CCNC: variants seen among roughly 807,000 people sequenced by gnomAD.
CCNC encodes the protein cyclin-C.
CCNC carries 19 observed loss-of-function variants against 50.0 expected under a neutral mutation model. That is an observed-to-expected ratio of 0.38 (90% CI 0.27 to 0.56). The LOEUF is 0.56. CCNC is among the 20% of genes least tolerant of loss of function. The pLI, the probability that CCNC is intolerant of heterozygous loss-of-function variation, is 0.72. For missense variants in CCNC, 200 were observed against 327.1 expected (o/e 0.61, Z 3.00); for synonymous variants, 93 against 103.7 (o/e 0.90, Z 0.63).
In CCNC at chr6:99,568,510, C is replaced by A; in HGVS notation, c.18G>T (p.Trp6Cys). The change falls in exon 1 of 12, where the codon TGG becomes TGT. Residue 6 changes from tryptophan to cysteine, a missense_variant. Trp to Cys is a radical substitution (Grantham distance 215). Transcript: ENST00000520429. ...AGATCGCTTACTAGTGGGAGCTCTG[C>A]CAAAAGTTCCCTGCCATGGAACACA... The part of the protein sequence containing the change: MAGNF[W>C]QSSHYLQWIL... 6.2e-7 allele frequency: 1 copy of A among 1,612,902 alleles called. No individual in the cohort carries two copies. Among genetic ancestry groups the A allele is most frequent in the Non-Finnish European group, 8.5e-7 (1 of 1,179,420 alleles).
intron 1 of CCNC, among the ~76,000 whole-genome samples, chr6:99,563,871 G>T (rs1411949650): frequency 6.6e-6 from 1 of 151,546 alleles, no homozygotes; most frequent in East Asian, 1.9e-4. Flanking sequence ...TGCTATTTTA[G>T]ACACAGAAAA....
chr6:99,561,547 T>C (rs1330113216), intron 3 of CCNC, 50 bp downstream of exon 3: 17 of 1,419,452 alleles, frequency 1.2e-5, no homozygotes, highest in Non-Finnish European at 1.6e-5. Context: ...GTGCTAAGGT[T>C]CATCAACATT....
At chr6:99,546,000 G>A (rs1364007542) in intron 10 of CCNC, among the ~76,000 whole-genome samples, 8 of 151,242 alleles carry the variant, frequency 5.3e-5, no homozygotes, top group East Asian at 3.9e-4. Flanking sequence ...ACGGAGTCTC[G>A]CTCTGTTGCC....
At chr6:99,546,795 A>T (rs973412400) in intron 9 of CCNC, among the ~76,000 whole-genome samples, 1 of 152,246 alleles carries the variant, frequency 6.6e-6, no homozygotes, top group African/African-American at 2.4e-5. Flanking sequence ...AGTAGTGTAC[A>T]AAGTAGCCGT....
intron 1 of CCNC, among the ~76,000 whole-genome samples, chr6:99,564,160 C>T (rs1463964405): frequency 6.6e-6 from 1 of 152,078 alleles, no homozygotes; most frequent in African/African-American, 2.4e-5. Flanking sequence ...CGCGGTGGCT[C>T]ATGCCTGTAA....
chr6:99,567,919 G>T (rs930136288), intron 1 of CCNC, among the ~76,000 whole-genome samples: 1 of 152,156 alleles, frequency 6.6e-6, no homozygotes, highest in African/African-American at 2.4e-5. Flanking sequence ...TAATGAAATG[G>T]ATAAATTTAG....
intron 2 of CCNC, 77 bp downstream of exon 2, chr6:99,562,765 A>G (rs1031325083): frequency 3.9e-6 from 3 of 773,228 alleles, no homozygotes; most frequent in Non-Finnish European, 6.2e-6. Flanking sequence ...AAAACAGTTC[A>G]CAAATTACCA....
intron 8 of CCNC, 25 bp from the exon 9 acceptor site, chr6:99,549,600 T>C: frequency 6.8e-7 from 1 of 1,464,522 alleles, no homozygotes; most frequent in Non-Finnish European, 9.5e-7. Flanking sequence ...ATCATATTAT[T>C]ACTGAAAGCA....
At chr6:99,550,885 G>T in intron 7 of CCNC, 108 bp downstream of exon 7, 1 of 503,804 alleles carries the variant, frequency 2.0e-6, no homozygotes, top group Non-Finnish European at 3.3e-6. Context: ...TCACATATTA[G>T]GTGGATGGTT....
At chr6:99,546,188 A>C (rs929282161) in intron 10 of CCNC, among the ~76,000 whole-genome samples, 13 of 151,570 alleles carry the variant, frequency 8.6e-5, no homozygotes, top group African/African-American at 3.1e-4. Context: ...CTGGTCTTGA[A>C]CTCCTGACCT....
intron 4 of CCNC, among the ~76,000 whole-genome samples, chr6:99,558,926 C>T (rs1408448459): frequency 2.0e-5 from 3 of 152,088 alleles, no homozygotes; most frequent in Non-Finnish European, 4.4e-5. Context: ...CAAATTGCTA[C>T]AACTTAAGAC....
intron 11 of CCNC, among the ~76,000 whole-genome samples, chr6:99,544,569 CA>C (rs906109174): frequency 2.0e-5 from 3 of 151,448 alleles, no homozygotes; most frequent in South Asian, 2.1e-4. Context: ...CCAATAACAA[CA>C]AAAAAAACCC....
At chr6:99,562,379 C>CA (rs35802903) in intron 2 of CCNC, 9,452 of 152,202 alleles carry the variant, frequency 0.062, 384 homozygotes, top group East Asian at 0.14. Context: ...AACGAATCCT[C>CA]AAAAAAAAGA....
intron 1 of CCNC, among the ~76,000 whole-genome samples, chr6:99,566,332 A>G (rs967322790): frequency 2.6e-5 from 4 of 151,980 alleles, no homozygotes; most frequent in Admixed American, 6.5e-5. Context: ...GAATATTTCT[A>G]TTATCTCTCA....
rs536699193 is a variant in CCNC at position 99,551,908 on chromosome 6, A to C, written c.347-13T>G. 7.1e-7 allele frequency: 1 copy of C among 1,400,636 alleles called. No homozygotes were observed. Among genetic ancestry groups the C allele is most frequent in the Admixed American group, 2.6e-5 (1 of 37,982 alleles). 86.8% of individuals were successfully genotyped at this position (1,400,636 alleles called of 1,614,324 possible). On this transcript the variant is annotated splice_polypyrimidine_tract_variant and intron_variant, in intron 5 of 11. Coordinates refer to ENST00000520429, the MANE Select transcript of CCNC (RefSeq NM_005190.4). ...AATCTAGTTTTTACTGCAGAAAATA[A>C]AAAAAAAATTTAAACTGAGAAAATG...
chr6:99,564,157 G>A (rs1768997161), intron 1 of CCNC, among the ~76,000 whole-genome samples: 2 of 152,186 alleles, frequency 1.3e-5, no homozygotes, highest in East Asian at 1.9e-4. Flanking sequence ...GGGCGCGGTG[G>A]CTCATGCCTG....
chr6:99,552,079 A>G (rs546640445), intron 5 of CCNC, among the ~76,000 whole-genome samples, 184 bp from the exon 6 acceptor site: 2 of 151,914 alleles, frequency 1.3e-5, no homozygotes, highest in Non-Finnish European at 2.9e-5. Context: ...GGGGCAGGAC[A>G]CTCTACACAG....
At chr6:99,544,932 T>A (rs1802015848) in intron 11 of CCNC, among the ~76,000 whole-genome samples, 180 bp downstream of exon 11, 1 of 152,130 alleles carries the variant, frequency 6.6e-6, no homozygotes, top group Non-Finnish European at 1.5e-5. Context: ...CTAATCAGAT[T>A]AGTGATTTTT....
rs971289850 is a variant in CCNC, at chr6:99,546,313, C to T, written c.678+82G>A. On this transcript the variant is annotated intron_variant, in intron 10 of 11. Transcript: ENST00000520429. ...CCAATAATCTTCTTAGCCTGGTGGACATCACAAGATTTTAGGCTCATGATA... is the reference window on the plus strand; with the variant it reads ...CCAATAATCTTCTTAGCCTGGTGGATATCACAAGATTTTAGGCTCATGATA... 38 of 869,772 alleles carry T rather than the reference C, an allele frequency of 4.4e-5. No individual in the cohort carries two copies. In the Middle Eastern group the frequency reaches 6.6e-4, roughly 15 times the overall value. 53.9% of individuals were successfully genotyped at this position (869,772 alleles called of 1,614,324 possible).
Sources: allele counts gnomAD v4.1 joint callset (sites outside exome capture counted in the v4.1 genomes callset), GRCh38; gene constraint gnomAD v4.1.1; transcripts MANE v1.5; gene names NCBI Gene and HGNC (gene_info 2026-07-23, HGNC 2026-07-21).